EPHX1: variants seen among roughly 807,000 people sequenced by gnomAD.
EPHX1 encodes the protein epoxide hydratase.
A neutral mutation model predicts 43.2 loss-of-function variants in EPHX1; 40 were observed. The observed-to-expected ratio is 0.93, with a 90% CI of 0.72 to 1.21. The LOEUF (loss-of-function observed/expected upper bound fraction) is 1.21. EPHX1 is among the 50% of genes most tolerant of loss of function. The probability of loss-of-function intolerance (pLI) is 0.00; values close to 1 mark genes in which losing one functional copy is unlikely to be tolerated. For missense variants in EPHX1, 550 were observed against 570.4 expected (o/e 0.96, Z 0.36); for synonymous variants, 221 against 226.7 (o/e 0.98, Z 0.22).
intron 1 of EPHX1, among the ~76,000 whole-genome samples, chr1:225,825,918 G>A (rs1020845140): frequency 6.6e-6 from 1 of 152,184 alleles, no homozygotes; most frequent in African/African-American, 2.4e-5. Context: ...TTTCAATACC[G>A]CAGGGGCTTT....
chr1:225,845,146 G>A lies in EPHX1; in HGVS notation c.1167G>A (p.Arg389=). ...GQGWMTQKHE[R]MKVYVPTGFS... is the part of the protein sequence containing the mutation. ...CCTCCGTCGGCTCTTTCACTTCCAG[G>A]ATGAAGGTCTATGTGCCCACTGGCT... The change falls in exon 9 of 9, where the codon CGG becomes CGA. Residue 389 remains arginine (R), a splice_region_variant and synonymous_variant. Coordinates refer to ENST00000272167, the MANE Select transcript of EPHX1 (RefSeq NM_001136018.4). 1.2e-6 allele frequency: 2 copies of A among 1,614,022 alleles called. No homozygotes were observed. The highest frequency in any genetic ancestry group is 1.3e-5 in the African/African-American group (1 of 75,006).
intron 1 of EPHX1, among the ~76,000 whole-genome samples, chr1:225,811,058 G>T (rs1449669203): frequency 6.6e-6 from 1 of 152,148 alleles, no homozygotes; most frequent in Non-Finnish European, 1.5e-5. Flanking sequence ...CCCTCGCTCT[G>T]GTCTCGGGAT....
chr1:225,844,737 G>C, intron 8 of EPHX1, 114 bp downstream of exon 8: 1 of 1,502,442 alleles, frequency 6.7e-7, no homozygotes. Flanking sequence ...CTTGCCTGCA[G>C]GTGCCCCAGG....
At position 225,839,304 on chromosome 1, in the gene EPHX1, G is replaced by A. The variant is rs1467518635; in HGVS notation, c.680G>A (p.Trp227Ter). ...GAATTCTACATTCAAGGAGGGGACT[G>A]GGGGTCCCTGATCTGCACTAATATG... is the stretch of plus-strand genomic sequence containing the variant. Reference protein sequence around the residue: ...FQEFYIQGGDWGSLICTNMAQ... With the variant: ...FQEFYIQGGD Residue 227 changes from tryptophan to a stop codon, truncating the protein, a stop_gained, in exon 5 of 9, where the codon TGG (tryptophan) becomes TAG (stop). Transcript: ENST00000272167. LOFTEE classifies it high-confidence loss of function. 2.5e-6 allele frequency: 4 copies of A among 1,613,972 alleles called. No homozygotes were observed. The highest frequency in any genetic ancestry group is 3.4e-6 in the Non-Finnish European group (4 of 1,180,022).
intron 1 of EPHX1, among the ~76,000 whole-genome samples, chr1:225,826,514 A>G (rs1157001140): frequency 1.3e-5 from 2 of 151,554 alleles, no homozygotes; most frequent in Non-Finnish European, 1.5e-5. Context: ...ACATGCATCA[A>G]CGTGTCCCAC....
chr1:225,820,511 A>G (rs1284022774), intron 1 of EPHX1, among the ~76,000 whole-genome samples: 1 of 152,234 alleles, frequency 6.6e-6, no homozygotes, highest in African/African-American at 2.4e-5. Context: ...CAATTTATAA[A>G]AGAGATAGTA....
intron 2 of EPHX1, among the ~76,000 whole-genome samples, chr1:225,829,123 C>A (rs765374088): frequency 6.6e-6 from 1 of 152,136 alleles, no homozygotes; most frequent in Non-Finnish European, 1.5e-5. Context: ...CTCTCTTCTC[C>A]TTTCCCTACC....
At chr1:225,813,034 G>A (rs937146379) in intron 1 of EPHX1, among the ~76,000 whole-genome samples, 14 of 152,232 alleles carry the variant, frequency 9.2e-5, no homozygotes, top group African/African-American at 3.4e-4. Flanking sequence ...GACCTCATCT[G>A]TAAAATGAGG....
chr1:225,828,373 T>C lies in EPHX1; in HGVS notation c.-5-352T>C, dbSNP rs528977777. Among the ~76,000 whole-genome samples the C allele has an allele frequency of 8.6e-5, 13 of 150,818 alleles. No homozygotes were observed. The South Asian group carries it at 2.7e-3, about 31-fold the overall frequency. ...AAAAAACAACATGAGGCCTCAGAAA[T>C]GTAGCTCCCAAAACCCCCTACCCAG... On this transcript the variant is annotated intron_variant, in intron 1 of 8. Coordinates refer to ENST00000272167, the MANE Select transcript of EPHX1 (RefSeq NM_001136018.4).
rs915122125 is a variant in EPHX1 at position 225,844,356 on chromosome 1, C to T, written c.1041-142C>T. ...CCCTGGGCGCAGCCTGCCTGTGACA[C>T]GAGGATACCACACACGTTGCATGAG... On this transcript the variant is annotated intron_variant, in intron 7 of 8. Transcript: ENST00000272167. The T allele has an allele frequency of 7.8e-5, 103 of 1,321,716 alleles. 1 individual carries two copies. Among genetic ancestry groups the T allele is most frequent in the Middle Eastern group, 5.4e-4 (3 of 5,534 alleles). 81.9% of individuals were successfully genotyped at this position (1,321,716 alleles called of 1,614,324 possible).
rs1190818843 is a variant in EPHX1 at position 225,821,252 on chromosome 1, C to CT, written c.-5-7463dup. Among the ~76,000 whole-genome samples the CT allele has an allele frequency of 3.1e-3, 457 of 148,652 alleles. 4 individuals carry two copies. The highest frequency in any genetic ancestry group is 0.01 in the African/African-American group (425 of 40,630). ...AAATTATTAAACTGATCTACCTTTT[C>CT]TTTTTTTTTTGAGATGGAGTCTTGC... On this transcript the variant is annotated intron_variant, in intron 1 of 8. Transcript: ENST00000272167.
rs142101420 is a variant in EPHX1, at chr1:225,815,331, C to T, written c.-6+5162C>T. On this transcript the variant is annotated intron_variant, in intron 1 of 8. Coordinates refer to ENST00000272167, the MANE Select transcript of EPHX1 (RefSeq NM_001136018.4). The stretch of plus-strand genomic sequence containing the variant: ...CGCCATCTCAGCTGTCTGCAAACTC[C>T]GCCCCACCAGGCTCAAGCCATCCTC... Among the ~76,000 whole-genome samples, 489 of 136,648 alleles carry T rather than the reference C, an allele frequency of 3.6e-3. 62 individuals carry two copies. Among genetic ancestry groups the T allele is most frequent in the African/African-American group, 0.012 (467 of 39,264 alleles). The allele number at this position is 136,648 out of a possible 152,430, so 89.6% of individuals were successfully genotyped here.
At chr1:225,820,010 C>T (rs928784647) in intron 1 of EPHX1, among the ~76,000 whole-genome samples, 1 of 152,198 alleles carries the variant, frequency 6.6e-6, no homozygotes, top group Admixed American at 6.5e-5. Flanking sequence ...CTGCGGTGAA[C>T]CTTTGAGTTC....
chr1:225,825,673 T>C (rs902442016), intron 1 of EPHX1: 6 of 152,212 alleles, frequency 3.9e-5, no homozygotes, highest in Non-Finnish European at 5.9e-5. Context: ...CATAAAATAT[T>C]GGTGGAGCTC....
intron 1 of EPHX1, among the ~76,000 whole-genome samples, chr1:225,823,983 G>A (rs1667106417): frequency 6.6e-6 from 1 of 152,156 alleles, no homozygotes. Context: ...AGAGGCCTGA[G>A]GACAGCCTGC....
intron 2 of EPHX1, among the ~76,000 whole-genome samples, chr1:225,831,312 G>A (rs1367236798): frequency 6.6e-6 from 1 of 152,200 alleles, no homozygotes; most frequent in Non-Finnish European, 1.5e-5. Context: ...ACTTTGGGAG[G>A]CCAAGGCAGA....
At chr1:225,823,541 C>T (rs1313738102) in intron 1 of EPHX1, among the ~76,000 whole-genome samples, 7 of 152,030 alleles carry the variant, frequency 4.6e-5, no homozygotes, top group South Asian at 2.1e-4. Flanking sequence ...GGTTTGGACT[C>T]GAGGCTGCTG....
rs1216914883 is a variant in EPHX1, at chr1:225,834,107, A to G, written c.364+2148A>G. Among the ~76,000 whole-genome samples the G allele has an allele frequency of 2.8e-4, 23 of 81,642 alleles. 1 individual carries two copies. The highest frequency in any genetic ancestry group is 2.3e-3 in the Admixed American group (16 of 7,042). The allele number at this position is 81,642 out of a possible 152,430, so 53.6% of individuals were successfully genotyped here. A position where few individuals can be genotyped will look rare whatever the true frequency, so the allele number is the denominator to read the frequency against. On this transcript the variant is annotated intron_variant, in intron 3 of 8. Coordinates refer to ENST00000272167, the MANE Select transcript of EPHX1 (RefSeq NM_001136018.4). ...GGCAAGACTCTGTCTCAAAAAAAAA[A>G]AAAAGAAAAAAAAAAAAAGCCGGGT...
intron 1 of EPHX1, among the ~76,000 whole-genome samples, chr1:225,812,752 G>T (rs1382512006): frequency 3.3e-5 from 5 of 152,202 alleles, no homozygotes; most frequent in African/African-American, 1.2e-4. Flanking sequence ...TACCAAATAA[G>T]GGAGGACCAA....
Sources: allele counts gnomAD v4.1 joint callset (sites outside exome capture counted in the v4.1 genomes callset), GRCh38; gene constraint gnomAD v4.1.1; transcripts MANE v1.5; gene names NCBI Gene and HGNC (gene_info 2026-07-23, HGNC 2026-07-21).